The following CEP95 variants were observed in gnomAD, a reference collection of about 807,000 sequenced individuals.
CEP95 encodes centrosomal protein of 95 kDa.
In CEP95, 98 loss-of-function variants were observed where a neutral mutation model predicts 111.2. That is an observed-to-expected ratio of 0.88 (90% CI 0.75 to 1.04). CEP95 has a LOEUF of 1.04. Ranked by LOEUF, CEP95 falls within the 50% of genes least tolerant of loss-of-function variation. The probability of loss-of-function intolerance (pLI) is 0.00; values close to 1 mark genes in which losing one functional copy is unlikely to be tolerated. For synonymous variants in CEP95, 323 were observed against 327.1 expected, an observed-to-expected ratio of 0.99 and a Z score of 0.14; for missense variants, 1,027 against 977.2, an observed-to-expected ratio of 1.05 and a Z score of -0.68.
intron 16 of CEP95, chr17:64,534,174 A>G (rs1968482216): frequency 5.5e-6 from 1 of 182,752 alleles, no homozygotes; most frequent in African/African-American, 2.4e-5. Context: ...ACCCCATTTT[A>G]TTTTCACTCC....
intron 13 of CEP95, 84 bp from the exon 14 acceptor site, chr17:64,531,806 T>C (rs1367861184): frequency 4.9e-6 from 5 of 1,019,028 alleles, no homozygotes; most frequent in Non-Finnish European, 6.6e-6. Context: ...GTTAGCTGTT[T>C]TTGTCAGTAT....
At chr17:64,506,780 G>A (rs1330907912), upstream of CEP95, 2 of 533,038 alleles carry the variant, frequency 3.8e-6, no homozygotes, top group Non-Finnish European at 6.7e-6. Flanking sequence ...CGCACCCCGG[G>A]ACCCGCCCGG....
At chr17:64,527,047 T>C in intron 10 of CEP95, 64 bp from the exon 11 acceptor site, 1 of 1,386,764 alleles carries the variant, frequency 7.2e-7, no homozygotes, top group Non-Finnish European at 1.0e-6. Flanking sequence ...AAGGTCTGCC[T>C]ACTCCTACGA....
rs1555679842 is a variant in CEP95 at position 64,529,429 on chromosome 17, T to C, written c.1446+2T>C. 1 of 1,613,360 alleles carries C rather than the reference T, an allele frequency of 6.2e-7. No homozygotes were observed. The highest frequency in any genetic ancestry group is 1.1e-5 in the South Asian group (1 of 91,002). On this transcript the variant is annotated splice_donor_variant, in intron 12 of 19. Coordinates refer to ENST00000556440, the MANE Select transcript of CEP95 (RefSeq NM_138363.3). LOFTEE classifies it high-confidence loss of function. ...GATGTCCGCCAATTCCAAGCACAGGTTCTTCCCCATCTCTTGACTACCATT... is the reference window on the plus strand; with the variant it reads ...GATGTCCGCCAATTCCAAGCACAGGCTCTTCCCCATCTCTTGACTACCATT...
At chr17:64,535,554 T>C (rs1216845377) in intron 17 of CEP95, 1 of 152,212 alleles carries the variant, frequency 6.6e-6, no homozygotes, top group Non-Finnish European at 1.5e-5. Flanking sequence ...GAAAAGATAA[T>C]GAACACCTTC....
rs1968707948 is a variant in CEP95 at position 64,537,064 on chromosome 17, A to G, written c.2241A>G (p.Ile747Met). 1.2e-6 allele frequency: 2 copies of G among 1,612,942 alleles called. No homozygotes were observed. Among genetic ancestry groups the G allele is most frequent in the African/African-American group, 1.3e-5 (1 of 74,920 alleles). The change falls in exon 19 of 20, where the codon ATA becomes ATG. Residue 747 changes from isoleucine (I) to methionine (M), a missense_variant. By Grantham distance (10) the Ile-to-Met change is conservative. Transcript: ENST00000556440. Reference sequence around the variant, plus strand: ...AGTTTTCATTGCTGGCAGAAGCCATATCACAGGAACATCAAGAACTTAAAG... The same window carrying G: ...AGTTTTCATTGCTGGCAGAAGCCATGTCACAGGAACATCAAGAACTTAAAG... Reference protein sequence around the residue: ...KDQFSLLAEAISQEHQELKAR... With the variant: ...KDQFSLLAEAMSQEHQELKAR...
At chr17:64,525,259 G>A (rs376757591) in intron 8 of CEP95, among the ~76,000 whole-genome samples, 51 of 152,034 alleles carry the variant, frequency 3.4e-4, no homozygotes, top group African/African-American at 1.2e-3. Context: ...CAGGAGAATC[G>A]CTTGAACCTG....
intron 4 of CEP95, among the ~76,000 whole-genome samples, chr17:64,515,521 T>C (rs145066682): frequency 8.5e-5 from 13 of 152,252 alleles, no homozygotes; most frequent in African/African-American, 3.1e-4. Flanking sequence ...GCTAATGATA[T>C]GGCAGTGGGG....
At chr17:64,517,874 G>A (rs1966995521) in intron 5 of CEP95, among the ~76,000 whole-genome samples, 1 of 151,692 alleles carries the variant, frequency 6.6e-6, no homozygotes, top group Non-Finnish European at 1.5e-5. Context: ...GTGTTCTCAA[G>A]TTGTTTAATT....
At chr17:64,530,830 C>T (rs1968223874) in intron 12 of CEP95, 96 bp from the exon 13 acceptor site, 2 of 631,652 alleles carry the variant, frequency 3.2e-6, no homozygotes, top group Non-Finnish European at 5.2e-6. Context: ...CTCAGGATCT[C>T]CTGTTTACTA....
intron 4 of CEP95, chr17:64,514,654 C>T (rs1280582968): frequency 1.8e-5 from 7 of 391,558 alleles, no homozygotes; most frequent in Non-Finnish European, 2.3e-5. Context: ...CATAAAATTT[C>T]TTTCTCCAAA....
At position 64,510,161 on chromosome 17, in the gene CEP95, T is replaced by TC. The variant is rs200350277; in HGVS notation, c.149-12_149-11insC. On this transcript the variant is annotated splice_polypyrimidine_tract_variant and intron_variant, in intron 2 of 19. Coordinates refer to ENST00000556440, the MANE Select transcript of CEP95 (RefSeq NM_138363.3). ...CATGGATACAAAATTATGTGATTTT[T>TC]TCCCCCCCCAGACCTCATAGTTATT... The TC allele has an allele frequency of 2.9e-3, 4,403 of 1,524,944 alleles. 73 individuals carry two copies. In the African/African-American group the frequency reaches 0.049, roughly 17 times the overall value. The allele number at this position is 1,524,944 out of a possible 1,614,324, so 94.5% of individuals were successfully genotyped here. A position where few individuals can be genotyped will look rare whatever the true frequency, so the allele number is the denominator to read the frequency against.
chr17:64,533,290 C>CT lies in CEP95; in HGVS notation c.1917+101dup, dbSNP rs1364658401. The CT allele has an allele frequency of 3.5e-5, 33 of 946,284 alleles. No individual in the cohort carries two copies. The African/African-American group carries it at 5.0e-4, about 14-fold the overall frequency. The allele number at this position is 946,284 out of a possible 1,614,324, so 58.6% of individuals were successfully genotyped here. A position where few individuals can be genotyped will look rare whatever the true frequency, so the allele number is the denominator to read the frequency against. On this transcript the variant is annotated intron_variant, in intron 16 of 19. Coordinates refer to ENST00000556440, the MANE Select transcript of CEP95 (RefSeq NM_138363.3). ...CAACAGTTGCACAGACCCTTAACCT[C>CT]TTAACACCTGCATGTGGAAGTGTTG...
At chr17:64,528,220 T>TA (rs1555679558) in intron 11 of CEP95, among the ~76,000 whole-genome samples, 1 of 152,224 alleles carries the variant, frequency 6.6e-6, no homozygotes, top group Non-Finnish European at 1.5e-5. Flanking sequence ...CTGCATATTT[T>TA]ACATTTAGTT....
chr17:64,526,016 A>C, intron 9 of CEP95, 55 bp from the exon 10 acceptor site: 1 of 1,574,156 alleles, frequency 6.4e-7, no homozygotes, highest in Admixed American at 1.9e-5. Flanking sequence ...AGTTATTTTA[A>C]ACTAAATAAT....
At chr17:64,522,315 TTTCAGGGAACAGTTTTATGATAA>T (rs1313274275) in intron 7 of CEP95, among the ~76,000 whole-genome samples, 4 of 152,098 alleles carry the variant, frequency 2.6e-5, no homozygotes, top group Non-Finnish European at 4.4e-5. Flanking sequence ...TTAAAGTAAC[TTTCAGGGAACAGTTTTATGATAA>T]TAACATTAAA....
chr17:64,514,187 G>C (rs782316325), intron 3 of CEP95, 61 bp from the exon 4 acceptor site: 80 of 679,468 alleles, frequency 1.2e-4, no homozygotes, highest in Non-Finnish European at 2.1e-4. Flanking sequence ...CAAGTTTCAA[G>C]ATTATGAAGC....
chr17:64,527,795 G>T (rs1967941169), intron 11 of CEP95, among the ~76,000 whole-genome samples: 1 of 150,810 alleles, frequency 6.6e-6, no homozygotes, highest in African/African-American at 2.4e-5. Context: ...TATATGTATA[G>T]CAGTATCCAT....
At chr17:64,511,002 G>A (rs2038864000) in intron 3 of CEP95, among the ~76,000 whole-genome samples, 1 of 152,184 alleles carries the variant, frequency 6.6e-6, no homozygotes, top group Non-Finnish European at 1.5e-5. Flanking sequence ...GTTCCGTGAT[G>A]CCCCACAAGC....
Sources: gnomAD v4.1 joint callset for allele counts (sites outside exome capture counted in the v4.1 genomes callset) on GRCh38, gnomAD v4.1.1 for gene constraint, MANE v1.5 for transcripts, NCBI Gene and HGNC (gene_info 2026-07-23, HGNC 2026-07-21) for gene names.